Variants in CADPS2 observed in about 807,000 individuals in gnomAD.
CADPS2 encodes the protein calcium dependent secretion activator 2, also known as calcium-dependent secretion activator 2.
CADPS2 carries 93 observed loss-of-function variants against 172.5 expected under a neutral mutation model. The ratio of observed to expected loss-of-function variants is 0.54; its 90% CI spans 0.46 to 0.64. The LOEUF is 0.64. Among genes scored for constraint, CADPS2 ranks in the 30% least tolerant of loss-of-function variants. The pLI is 0.00. For missense variants in CADPS2, 1,420 were observed against 1,565.9 expected (o/e 0.91, Z 1.57); for synonymous variants, 546 against 555.2 (o/e 0.98, Z 0.23).
intron 13 of CADPS2, among the ~76,000 whole-genome samples, chr7:122,472,723 G>A (rs1382688207): frequency 2.0e-5 from 3 of 152,168 alleles, no homozygotes; most frequent in Non-Finnish European, 4.4e-5. Context: ...TCCATGAAAA[G>A]ATAGAATAGG....
At chr7:122,606,304 G>GAGC (rs953063268) in intron 6 of CADPS2, among the ~76,000 whole-genome samples, 1 of 152,134 alleles carries the variant, frequency 6.6e-6, no homozygotes, top group Admixed American at 6.6e-5. Flanking sequence ...GAATGAGACT[G>GAGC]AGCAGAAGAC....
At chr7:122,430,109 C>A (rs1317891238) in intron 17 of CADPS2, among the ~76,000 whole-genome samples, 1 of 152,126 alleles carries the variant, frequency 6.6e-6, no homozygotes, top group Non-Finnish European at 1.5e-5. Flanking sequence ...TCAACTGAGG[C>A]TCTGAAAATA....
At chr7:122,705,602 T>C (rs1459772875) in intron 2 of CADPS2, among the ~76,000 whole-genome samples, 76 of 109,008 alleles carry the variant, frequency 7.0e-4, no homozygotes, top group Non-Finnish European at 1.2e-3. Context: ...ATATTTTATA[T>C]ATTATATAAC....
At chr7:122,572,980 G>A (rs372217285) in intron 7 of CADPS2, among the ~76,000 whole-genome samples, 1 of 152,084 alleles carries the variant, frequency 6.6e-6, no homozygotes, top group African/African-American at 2.4e-5. Flanking sequence ...CCAAGTACTT[G>A]CCAAATAATA....
intron 2 of CADPS2, 91 bp downstream of exon 2, chr7:122,736,864 G>T: frequency 1.5e-6 from 1 of 677,178 alleles, no homozygotes; most frequent in Non-Finnish European, 2.6e-6. Context: ...TGTCAGACCA[G>T]CAAGCTTCTT....
chr7:122,738,618 G>T (rs2137874062), intron 1 of CADPS2, among the ~76,000 whole-genome samples: 1 of 152,184 alleles, frequency 6.6e-6, no homozygotes, highest in Non-Finnish European at 1.5e-5. Flanking sequence ...AAAGGATTAG[G>T]AAGACTAAAC....
In CADPS2 at chr7:122,644,426, T is replaced by A. The variant is rs1049013382; in HGVS notation, c.787-15098A>T. Among the ~76,000 whole-genome samples, 3 of 152,194 alleles carry A rather than the reference T, an allele frequency of 2.0e-5. No individual in the cohort carries two copies. In the South Asian group the frequency reaches 6.2e-4, roughly 32 times the overall value. ...AATTACTTAACAACAAAGCAGGTAC[T>A]ATCTGATGACACAGCCTTCATAGTT... is the stretch of plus-strand genomic sequence containing the variant. On this transcript the variant is annotated intron_variant, in intron 3 of 29. Transcript: ENST00000449022.
intron 8 of CADPS2, among the ~76,000 whole-genome samples, chr7:122,534,751 G>A (rs994321982): frequency 2.0e-5 from 3 of 151,836 alleles, no homozygotes; most frequent in South Asian, 2.1e-4. Context: ...GATTTAAACA[G>A]GAAAAAAGTG....
intron 1 of CADPS2, among the ~76,000 whole-genome samples, chr7:122,771,604 C>A (rs2093705509): frequency 6.6e-6 from 1 of 152,062 alleles, no homozygotes; most frequent in African/African-American, 2.4e-5. Flanking sequence ...GTAAAGGATA[C>A]AATGGGAGTA....
chr7:122,795,216 C>T (rs1796113831), intron 1 of CADPS2, among the ~76,000 whole-genome samples: 1 of 151,564 alleles, frequency 6.6e-6, no homozygotes, highest in Admixed American at 6.6e-5. Context: ...AGATCACTAG[C>T]TAGACTAATA....
chr7:122,626,618 C>T (rs566020356), intron 4 of CADPS2, among the ~76,000 whole-genome samples: 10 of 152,244 alleles, frequency 6.6e-5, no homozygotes, highest in South Asian at 2.1e-4. Flanking sequence ...TTCAATTACA[C>T]GGCATGTTTA....
chr7:122,571,238 G>A (rs1161035927), intron 7 of CADPS2, among the ~76,000 whole-genome samples: 1 of 152,026 alleles, frequency 6.6e-6, no homozygotes, highest in Admixed American at 6.6e-5. Flanking sequence ...GCAAAAAGAT[G>A]CTAAACATCA....
At chr7:122,773,022 G>A (rs2093751396) in intron 1 of CADPS2, among the ~76,000 whole-genome samples, 1 of 152,012 alleles carries the variant, frequency 6.6e-6, no homozygotes, top group Non-Finnish European at 1.5e-5. Context: ...TGAACAAAAA[G>A]TTAATAACTT....
At chr7:122,646,188 G>A (rs1190549117) in intron 3 of CADPS2, among the ~76,000 whole-genome samples, 1 of 152,000 alleles carries the variant, frequency 6.6e-6, no homozygotes. Flanking sequence ...TTGAACCTCA[G>A]AGCCATGTCT....
At chr7:122,817,560 C>T (rs540826656) in intron 1 of CADPS2, among the ~76,000 whole-genome samples, 37 of 152,110 alleles carry the variant, frequency 2.4e-4, no homozygotes, top group Non-Finnish European at 4.3e-4. Context: ...TCTGATTATT[C>T]ACCCACGTTT....
In CADPS2 at chr7:122,539,256, T is replaced by C. The variant is rs145119465; in HGVS notation, c.1475+15294A>G. Among the ~76,000 whole-genome samples the C allele has an allele frequency of 1.8e-3, 273 of 152,262 alleles. 3 individuals are homozygous for C. Among genetic ancestry groups the C allele is most frequent in the African/African-American group, 6.4e-3 (265 of 41,568 alleles). Reference sequence around the variant, plus strand: ...CATTATTATGGCAGTGAGATCCTGATGAAATGATGAATTCAGCCCCCCTCT... The same window carrying C: ...CATTATTATGGCAGTGAGATCCTGACGAAATGATGAATTCAGCCCCCCTCT... On this transcript the variant is annotated intron_variant, in intron 8 of 29. Coordinates refer to ENST00000449022, the MANE Select transcript of CADPS2 (RefSeq NM_017954.11).
chr7:122,652,769 G>A (rs2079305119), intron 3 of CADPS2, among the ~76,000 whole-genome samples: 1 of 152,016 alleles, frequency 6.6e-6, no homozygotes, highest in Non-Finnish European at 1.5e-5. Context: ...AATTTTATTA[G>A]CACAATAGCT....
intron 7 of CADPS2, among the ~76,000 whole-genome samples, chr7:122,578,172 T>C (rs2068298891): frequency 6.6e-6 from 1 of 151,614 alleles, no homozygotes; most frequent in South Asian, 2.1e-4. Flanking sequence ...CACACATACA[T>C]TATGTATACC....
At chr7:122,686,792 C>A (rs2083689171) in intron 2 of CADPS2, among the ~76,000 whole-genome samples, 1 of 152,194 alleles carries the variant, frequency 6.6e-6, no homozygotes, top group South Asian at 2.1e-4. Flanking sequence ...TCAAGCAATT[C>A]TCATGCTTCA....
Sources: gnomAD v4.1 joint callset for allele counts (sites outside exome capture counted in the v4.1 genomes callset) on GRCh38, gnomAD v4.1.1 for gene constraint, MANE v1.5 for transcripts, NCBI Gene and HGNC (gene_info 2026-07-23, HGNC 2026-07-21) for gene names.